TENM3: variants seen among roughly 807,000 people sequenced by gnomAD.
TENM3 encodes the protein teneurin transmembrane protein 3, also known as teneurin-3.
TENM3 carries 63 observed loss-of-function variants against 255.1 expected under a neutral mutation model. The observed-to-expected ratio is 0.25, with a 90% CI of 0.20 to 0.30. TENM3 has a LOEUF of 0.30. TENM3 is among the 10% of genes least tolerant of loss of function. The pLI is 1.00. For synonymous variants in TENM3, 1,306 were observed against 1,322.3 expected (o/e 0.99, Z 0.27); for missense variants, 2,929 against 3,461.1 (o/e 0.85, Z 3.86).
At chr4:182,219,861 C>A (rs1165266632) in intron 1 of TENM3, among the ~76,000 whole-genome samples, 2 of 152,124 alleles carry the variant, frequency 1.3e-5, no homozygotes, top group African/African-American at 4.8e-5. Context: ...AAGGGGAAGG[C>A]AAATCACCTC....
chr4:182,290,010 A>G (rs1305747667), intron 1 of TENM3, among the ~76,000 whole-genome samples: 4 of 151,100 alleles, frequency 2.6e-5, no homozygotes, highest in Admixed American at 6.6e-5. Flanking sequence ...CTCGTGCCCT[A>G]CGGTGCTGTC....
the TENM3 span, among the ~76,000 whole-genome samples, chr4:181,579,933 A>AATTTT: frequency 5.9e-3 from 753 of 126,558 alleles, 14 homozygotes; most frequent in African/African-American, 0.011. Flanking sequence ...AAGTACCTAC[A>AATTTT]ATTTTATTTT....
chr4:182,362,815 C>T (rs906552343), intron 3 of TENM3, among the ~76,000 whole-genome samples: 16 of 152,200 alleles, frequency 1.1e-4, no homozygotes, highest in South Asian at 2.1e-4. Flanking sequence ...TCTTCTGCAT[C>T]GCTTACGCTG....
Position 182,207,676 on chromosome 4 carries a change from G to A in TENM3, c.-76+62922G>A, listed in dbSNP as rs1028492468. On this transcript the variant is annotated intron_variant, in intron 1 of 2. Transcript: ENST00000512480. Reference sequence around the variant, plus strand: ...AAGAACTACTTATAAAGCAAATTTTGGGTGTCTGAAAATTTCTTAATATGT... The same window carrying A: ...AAGAACTACTTATAAAGCAAATTTTAGGTGTCTGAAAATTTCTTAATATGT... Among the ~76,000 whole-genome samples the A allele has an allele frequency of 2.0e-5, 3 of 152,190 alleles. No individual in the cohort carries two copies. The South Asian group carries it at 6.2e-4, about 32-fold the overall frequency.
intron 2 of TENM3, among the ~76,000 whole-genome samples, chr4:182,328,868 AAG>A (rs1201755199): frequency 6.6e-6 from 1 of 152,082 alleles, no homozygotes; most frequent in African/African-American, 2.4e-5. Flanking sequence ...AGAGGAAAGA[AAG>A]AGAAGAGGGA....
chr4:182,063,969 A>T, the TENM3 span, among the ~76,000 whole-genome samples: 1 of 152,126 alleles, frequency 6.6e-6, no homozygotes, highest in Non-Finnish European at 1.5e-5. Context: ...GATGATATGG[A>T]GACAGGAAAG....
the TENM3 span, among the ~76,000 whole-genome samples, chr4:181,615,300 G>A: frequency 4.6e-5 from 7 of 152,018 alleles, no homozygotes; most frequent in Non-Finnish European, 7.3e-5. Context: ...AGAGAAAGAC[G>A]CATTAACCCC....
At chr4:181,554,629 T>C in the TENM3 span, among the ~76,000 whole-genome samples, 1 of 152,318 alleles carries the variant, frequency 6.6e-6, no homozygotes, top group Non-Finnish European at 1.5e-5. Context: ...CCATTTCACC[T>C]CATGGATGTT....
intron 1 of TENM3, among the ~76,000 whole-genome samples, chr4:182,179,511 A>G (rs996338542): frequency 1.3e-5 from 2 of 152,242 alleles, no homozygotes; most frequent in Non-Finnish European, 2.9e-5. Flanking sequence ...TGCATACTTT[A>G]TCACAATATA....
the TENM3 span, among the ~76,000 whole-genome samples, chr4:181,630,598 C>G: frequency 6.6e-6 from 1 of 151,996 alleles, no homozygotes; most frequent in African/African-American, 2.4e-5. Context: ...CGTTATGTAC[C>G]CAGTAGTCAT....
the TENM3 span, among the ~76,000 whole-genome samples, chr4:181,651,034 A>G: frequency 1.3e-5 from 2 of 152,214 alleles, no homozygotes; most frequent in Non-Finnish European, 1.5e-5. Context: ...TCTATCAAGC[A>G]TGATGTGTGT....
the TENM3 span, among the ~76,000 whole-genome samples, chr4:181,749,002 T>A: frequency 9.9e-5 from 15 of 152,144 alleles, no homozygotes; most frequent in Non-Finnish European, 1.6e-4. Flanking sequence ...TATAATGGTA[T>A]AAGATCAAGA....
At chr4:182,597,527 T>C (rs768351295) in intron 3 of TENM3, among the ~76,000 whole-genome samples, 10 of 152,200 alleles carry the variant, frequency 6.6e-5, no homozygotes, top group Non-Finnish European at 1.3e-4. Context: ...ATACTCTAAA[T>C]CATGCAACTG....
the TENM3 span, among the ~76,000 whole-genome samples, chr4:181,723,122 C>G: frequency 2.0e-5 from 3 of 152,044 alleles, no homozygotes; most frequent in Middle Eastern, 3.4e-3. Flanking sequence ...ATCAGCAAAT[C>G]GTCAAGATAA....
At chr4:182,215,839 G>A (rs191486178) in intron 1 of TENM3, among the ~76,000 whole-genome samples, 3 of 151,980 alleles carry the variant, frequency 2.0e-5, no homozygotes, top group Non-Finnish European at 4.4e-5. Flanking sequence ...CTGATGTCTC[G>A]ATACCTTTCT....
intron 3 of TENM3, among the ~76,000 whole-genome samples, chr4:182,594,270 G>T (rs1479273552): frequency 6.6e-6 from 1 of 152,152 alleles, no homozygotes; most frequent in Non-Finnish European, 1.5e-5. Flanking sequence ...CTCCCCAAGT[G>T]ATAGGATTAC....
intron 1 of TENM3, among the ~76,000 whole-genome samples, chr4:182,244,056 C>T (rs1428499454): frequency 6.6e-6 from 1 of 150,802 alleles, no homozygotes; most frequent in Non-Finnish European, 1.5e-5. Flanking sequence ...CGGGTTCACG[C>T]CATTCTCCTG....
At chr4:181,575,837 A>AT in the TENM3 span, among the ~76,000 whole-genome samples, 2 of 152,210 alleles carry the variant, frequency 1.3e-5, no homozygotes, top group African/African-American at 4.8e-5. Flanking sequence ...TGATCTGCTT[A>AT]TCTTCTCCAT....
the TENM3 span, among the ~76,000 whole-genome samples, chr4:181,800,581 C>A: frequency 2.0e-5 from 3 of 152,106 alleles, no homozygotes; most frequent in East Asian, 5.8e-4. Context: ...TGCAGTGAGC[C>A]GAGATTGCAC....
Sources: allele counts gnomAD v4.1 joint callset (sites outside exome capture counted in the v4.1 genomes callset), GRCh38; gene constraint gnomAD v4.1.1; transcripts MANE v1.5; gene names NCBI Gene and HGNC (gene_info 2026-07-23, HGNC 2026-07-21).